The following CASP4 variants were observed in gnomAD, a reference collection of about 807,000 sequenced individuals.
The protein encoded by CASP4 is caspase 4.
CASP4 carries 29 observed loss-of-function variants against 41.3 expected under a neutral mutation model. The ratio of observed to expected loss-of-function variants is 0.70; its 90% confidence interval spans 0.52 to 0.96. The LOEUF is 0.96. Among genes scored for constraint, CASP4 ranks in the 40% least tolerant of loss-of-function variants. The pLI is 0.00. For missense variants in CASP4, 447 were observed against 460.6 expected, an observed-to-expected ratio of 0.97 and a Z score of 0.27; for synonymous variants, 185 against 158.4, an observed-to-expected ratio of 1.17 and a Z score of -1.26.
chr11:104,950,801 C>CACACAT, intron 4 of CASP4, 124 bp downstream of exon 4: 1 of 702,958 alleles, frequency 1.4e-6, no homozygotes, highest in Non-Finnish European at 2.3e-6. Context: ...TTTGTATACA[C>CACACAT]ACACACACAC....
At chr11:104,956,064 A>G (rs977572678) in intron 1 of CASP4, among the ~76,000 whole-genome samples, 19 of 152,106 alleles carry the variant, frequency 1.2e-4, no homozygotes, top group African/African-American at 4.6e-4. Context: ...AAAGTTACAT[A>G]ATATAAATTA....
chr11:104,948,508 C>T (rs1042292021), intron 6 of CASP4, 25 bp downstream of exon 6: 1 of 1,561,166 alleles, frequency 6.4e-7, no homozygotes, highest in Non-Finnish European at 8.7e-7. Context: ...CCACAAATCC[C>T]TTACTGCCAC....
At chr11:104,955,490 T>A (rs1355057221) in intron 1 of CASP4, among the ~76,000 whole-genome samples, 1 of 152,142 alleles carries the variant, frequency 6.6e-6, no homozygotes, top group Non-Finnish European at 1.5e-5. Context: ...GAATTTGCAT[T>A]TTTTTAACTT....
At chr11:104,947,408 A>G (rs1038492795) in intron 6 of CASP4, 1 of 333,320 alleles carries the variant, frequency 3.0e-6, no homozygotes, top group African/African-American at 2.1e-5. Flanking sequence ...GTTGGTAAGC[A>G]TTGCAAGAGA....
At chr11:104,964,269 T>C (rs1046160877) in intron 1 of CASP4, among the ~76,000 whole-genome samples, 29 of 152,304 alleles carry the variant, frequency 1.9e-4, no homozygotes, top group South Asian at 4.1e-4. Context: ...GCTATTGGAA[T>C]AGAGGAAAAA....
At chr11:104,951,536 A>C (rs1860613249) in intron 3 of CASP4, 1 of 282,206 alleles carries the variant, frequency 3.5e-6, no homozygotes, top group East Asian at 7.7e-5. Context: ...AGTATCCTTC[A>C]TGTCTAGACT....
chr11:104,943,500 TAGG>T (rs1860375342), intron 8 of CASP4: 1 of 154,980 alleles, frequency 6.5e-6, no homozygotes, highest in South Asian at 2.0e-4. Context: ...GAAATATCTA[TAGG>T]AGTACAGCAT....
At chr11:104,966,089 A>G (rs557895701) in intron 1 of CASP4, among the ~76,000 whole-genome samples, 2 of 152,300 alleles carry the variant, frequency 1.3e-5, no homozygotes, top group African/African-American at 4.8e-5. Flanking sequence ...GATTTAAGTA[A>G]TAATAACACT....
At chr11:104,967,049 C>A (rs1860990419) in intron 1 of CASP4, among the ~76,000 whole-genome samples, 1 of 152,082 alleles carries the variant, frequency 6.6e-6, no homozygotes, top group African/African-American at 2.4e-5. Context: ...ATAAAAATGG[C>A]AGGAATCAAT....
chr11:104,956,700 G>T, intron 1 of CASP4: 1 of 962,284 alleles, frequency 1.0e-6, no homozygotes, highest in Non-Finnish European at 1.2e-6. Flanking sequence ...AGGCTTCTGA[G>T]AAGAGGTAGC....
chr11:104,967,689 C>T (rs746931581), intron 1 of CASP4, among the ~76,000 whole-genome samples: 5 of 152,112 alleles, frequency 3.3e-5, no homozygotes, highest in Non-Finnish European at 7.3e-5. Context: ...TTGAGCTATT[C>T]GCGGTGAGGA....
At chr11:104,952,603 G>C (rs745935720) in intron 2 of CASP4, among the ~76,000 whole-genome samples, 1 of 151,952 alleles carries the variant, frequency 6.6e-6, no homozygotes, top group African/African-American at 2.4e-5. Context: ...TGGAGTAATC[G>C]TCCCCTCCTA....
intron 1 of CASP4, 35 bp downstream of exon 1, chr11:104,968,484 C>A (rs1259711170): frequency 6.3e-7 from 1 of 1,595,564 alleles, no homozygotes; most frequent in Non-Finnish European, 8.6e-7. Flanking sequence ...TTTCTAAGTT[C>A]CTACTCCCAA....
intron 1 of CASP4, chr11:104,956,728 A>C: frequency 1.5e-6 from 1 of 660,318 alleles, no homozygotes. Flanking sequence ...TTAGTCTTGC[A>C]ACATCAGGTA....
rs142569880 is a variant in CASP4 at position 104,949,681 on chromosome 11, C to T, written c.643G>A (p.Gly215Arg). ...TCATCATGCACAGTTCCGCAGATTC[C>T]CTCCAGGATGCCATGAGACATGAGT... is the stretch of plus-strand genomic sequence containing the variant. ...LVLMSHGILE[G>R]ICGTVHDEKK... The change falls in exon 5 of 9, where the codon GGA becomes AGA. Residue 215 changes from glycine (G) to arginine (R), a missense_variant. Physicochemically the swap from Gly to Arg is moderately radical, Grantham distance 125. Transcript: ENST00000444739. 3.2e-5 allele frequency: 51 copies of T among 1,613,918 alleles called. No individual in the cohort carries two copies. The African/African-American group carries it at 6.3e-4, about 20-fold the overall frequency.
rs530934897 is a variant in CASP4 at position 104,960,899 on chromosome 11, A to G, written c.8-5898T>C. Among the ~76,000 whole-genome samples the G allele has an allele frequency of 1.6e-4, 25 of 152,268 alleles. No individual in the cohort carries two copies. The South Asian group carries it at 5.2e-3, about 32-fold the overall frequency. On this transcript the variant is annotated intron_variant, in intron 1 of 8. Transcript: ENST00000444739. ...CTGCACTATTTTTGGCATTCTTTTT[A>G]CTAGTTATTTACTGAATATTTACTA...
At chr11:104,962,819 G>A (rs999268109) in intron 1 of CASP4, among the ~76,000 whole-genome samples, 1 of 152,148 alleles carries the variant, frequency 6.6e-6, no homozygotes, top group Non-Finnish European at 1.5e-5. Flanking sequence ...TTGACATAGA[G>A]GCTCAGGCTC....
At chr11:104,955,212 T>C (rs925553030) in intron 1 of CASP4, among the ~76,000 whole-genome samples, 1 of 152,172 alleles carries the variant, frequency 6.6e-6, no homozygotes, top group African/African-American at 2.4e-5. Flanking sequence ...ATTTTCTTTT[T>C]TGTTCTTTTT....
At chr11:104,949,407 T>C (rs1591126864) in intron 5 of CASP4, 136 bp downstream of exon 5, 4 of 902,744 alleles carry the variant, frequency 4.4e-6, no homozygotes, top group Non-Finnish European at 6.9e-6. Context: ...GACCCTTAGG[T>C]AGAGTTTCTT....
Sources: gnomAD v4.1 joint callset for allele counts (sites outside exome capture counted in the v4.1 genomes callset) on GRCh38, gnomAD v4.1.1 for gene constraint, MANE v1.5 for transcripts, NCBI Gene and HGNC (gene_info 2026-07-23, HGNC 2026-07-21) for gene names.